HERC1: variants seen among roughly 807,000 people sequenced by gnomAD.
The protein encoded by HERC1 is HECT and RLD domain containing E3 ubiquitin protein ligase family member 1.
A neutral mutation model predicts 554.3 loss-of-function variants in HERC1; 160 were observed. The ratio of observed to expected loss-of-function variants is 0.29; its 90% CI spans 0.25 to 0.33. The LOEUF (loss-of-function observed/expected upper bound fraction) is 0.33. Among genes scored for constraint, HERC1 ranks in the 10% least tolerant of loss-of-function variants. HERC1 has a pLI of 1.00. For synonymous variants in HERC1, 2,175 were observed against 2,131.7 expected, an observed-to-expected ratio of 1.02 and a Z score of -0.56; for missense variants, 4,919 against 5,918.5, an observed-to-expected ratio of 0.83 and a Z score of 5.54.
chr15:63,672,821 T>C (rs2152972608), intron 38 of HERC1, 127 bp from the exon 39 acceptor site: 1 of 658,140 alleles, frequency 1.5e-6, no homozygotes, highest in Non-Finnish European at 2.6e-6. Context: ...CATCAATTTC[T>C]ATGAAAGATT....
At chr15:63,664,359 T>G in intron 43 of HERC1, 111 bp downstream of exon 43, 1 of 887,456 alleles carries the variant, frequency 1.1e-6, no homozygotes. Context: ...TCTGTTAATG[T>G]GGAGGGACTG....
chr15:63,707,928 C>CAAAAAAAAAAAAAAAAAAAAAAAAAAAAA, intron 24 of HERC1, among the ~76,000 whole-genome samples: 1 of 55,160 alleles, frequency 1.8e-5, no homozygotes, highest in Non-Finnish European at 3.4e-5. Flanking sequence ...GACTCCCTCT[C>CAAAAAAAAAAAAAAAAAAAAAAAAAAAAA]AAAAAAAAAA....
intron 64 of HERC1, among the ~76,000 whole-genome samples, chr15:63,636,461 G>C (rs1158356027): frequency 6.6e-6 from 1 of 151,886 alleles, no homozygotes; most frequent in Non-Finnish European, 1.5e-5. Context: ...AACAGAGACA[G>C]GGTTTTACCA....
At position 63,698,804 on chromosome 15, in the gene HERC1, T is replaced by G. The variant is rs1322304910; in HGVS notation, c.4829A>C (p.Lys1610Thr). 6.2e-7 allele frequency: 1 copy of G among 1,613,944 alleles called. No individual in the cohort carries two copies. Among genetic ancestry groups the G allele is most frequent in the African/African-American group, 1.3e-5 (1 of 75,020 alleles). Residue 1610 changes from lysine (K) to threonine (T), a missense_variant, in exon 26 of 78, where the codon AAA (lysine) becomes ACA (threonine). Physicochemically the swap from Lys to Thr is moderately conservative, Grantham distance 78. Around this residue, in one of 11 missense-constraint regions of HERC1, gnomAD observed 1,121 missense variants for 1,244.0 expected, o/e 0.90. Coordinates refer to ENST00000443617, the MANE Select transcript of HERC1 (RefSeq NM_003922.4). ...SGDVGNAPGFKEPEESMSTSP... is the reference protein window; with the variant it reads ...SGDVGNAPGFTEPEESMSTSP... Reference sequence around the variant, plus strand: ...TGTAGACATACTTTCCTCTGGCTCTTTAAAACCTGGGGCATTCCCCACATC... The same window carrying G: ...TGTAGACATACTTTCCTCTGGCTCTGTAAAACCTGGGGCATTCCCCACATC...
At chr15:63,623,687 G>A (rs192153020) in intron 73 of HERC1, 38 bp downstream of exon 73, 37 of 1,596,850 alleles carry the variant, frequency 2.3e-5, no homozygotes, top group African/African-American at 4.0e-5. Context: ...GCCACTAGCA[G>A]ACTAGATAAC....
At position 63,729,526 on chromosome 15, in the gene HERC1, C is replaced by T; in HGVS notation, c.2992G>A (p.Ala998Thr). 6.2e-7 allele frequency: 1 copy of T among 1,613,694 alleles called. No individual in the cohort carries two copies. Among genetic ancestry groups the T allele is most frequent in the Non-Finnish European group, 8.5e-7 (1 of 1,179,716 alleles). Residue 998 changes from alanine (A) to threonine (T), a missense_variant, in exon 15 of 78, where the codon GCA becomes ACA. By Grantham distance (58) the Ala-to-Thr change is moderately conservative. Transcript: ENST00000443617. ...LLCSLQKQLL[A>T]FCHINNISEN... ...CTAATGTTATTGATATGGCAAAATG[C>T]CAGCAGCTGTTTCTGTAGTGAACAT...
Position 63,749,697 on chromosome 15 carries a change from C to T in HERC1, c.1997G>A (p.Arg666Lys). 1 of 1,591,796 alleles carries T rather than the reference C, an allele frequency of 6.3e-7. No individual in the cohort carries two copies. The highest frequency in any genetic ancestry group is 8.6e-7 in the Non-Finnish European group (1 of 1,168,258). The change falls in exon 9 of 78, where the codon AGA becomes AAA. Residue 666 changes from arginine to lysine, a missense_variant. By Grantham distance (26) the Arg-to-Lys change is conservative. Coordinates refer to ENST00000443617, the MANE Select transcript of HERC1 (RefSeq NM_003922.4). This position sits in a 1 kb window ranked among gnomAD's most constrained non-coding sequence, Gnocchi z 4.1. The part of the protein sequence containing the change: ...PKLIEELAAT[R>K]IVDVSIGDSH... Reference sequence around the variant, plus strand: ...GTCTCCAATAGAAACATCAACTATTCTTGTGGCAGCCAGTTCTTCAATAAG... The same window carrying T: ...GTCTCCAATAGAAACATCAACTATTTTTGTGGCAGCCAGTTCTTCAATAAG...
At chr15:63,616,352 C>A in intron 75 of HERC1, 78 bp downstream of exon 75, 1 of 1,450,926 alleles carries the variant, frequency 6.9e-7, no homozygotes, top group South Asian at 1.3e-5. Flanking sequence ...GACTGTATCT[C>A]AATTTTACAC....
chr15:63,750,334 TTTGACTAA>T (rs1446766511), intron 8 of HERC1, among the ~76,000 whole-genome samples: 1 of 152,174 alleles, frequency 6.6e-6, no homozygotes, highest in Admixed American at 6.6e-5. Context: ...CATCTTCATT[TTTGACTAA>T]TGAATACCAA....
chr15:63,617,307 A>G (rs2067863962), intron 74 of HERC1, among the ~76,000 whole-genome samples: 1 of 152,204 alleles, frequency 6.6e-6, no homozygotes, highest in African/African-American at 2.4e-5. Context: ...GATGGTTTCC[A>G]GCTTCATTCA....
intron 3 of HERC1, among the ~76,000 whole-genome samples, chr15:63,760,210 CTTTTT>C (rs979452804): frequency 1.3e-5 from 2 of 151,534 alleles, no homozygotes; most frequent in Non-Finnish European, 2.9e-5. Context: ...TGGAAAACGA[CTTTTT>C]TTTAACATTA....
At chr15:63,791,628 T>G (rs1378578289) in intron 1 of HERC1, among the ~76,000 whole-genome samples, 2 of 152,158 alleles carry the variant, frequency 1.3e-5, no homozygotes, top group Admixed American at 6.5e-5. Context: ...TAAAAAACAA[T>G]TCTTCGAGGG....
At chr15:63,726,717 G>A (rs1018189129) in intron 17 of HERC1, among the ~76,000 whole-genome samples, 30 of 152,146 alleles carry the variant, frequency 2.0e-4, no homozygotes, top group African/African-American at 6.7e-4. Flanking sequence ...AAACACCAGG[G>A]CCAGATAGTT....
At chr15:63,752,237 A>G (rs1295101535) in intron 8 of HERC1, among the ~76,000 whole-genome samples, 2 of 152,184 alleles carry the variant, frequency 1.3e-5, no homozygotes, top group African/African-American at 2.4e-5. Flanking sequence ...TGCCTTGTCA[A>G]TTAGTCATAA....
At chr15:63,669,512 A>G in intron 40 of HERC1, 26 bp downstream of exon 40, 1 of 1,604,078 alleles carries the variant, frequency 6.2e-7, no homozygotes, top group South Asian at 1.1e-5. Context: ...AACTTTGGAT[A>G]TCATAGTGCA....
At chr15:63,731,263 C>T (rs540225578) in intron 14 of HERC1, among the ~76,000 whole-genome samples, 2 of 152,202 alleles carry the variant, frequency 1.3e-5, no homozygotes, top group South Asian at 4.1e-4. Flanking sequence ...GTACAATATA[C>T]AAGACAATAT....
intron 3 of HERC1, among the ~76,000 whole-genome samples, chr15:63,760,359 A>G (rs2075567401): frequency 6.7e-6 from 1 of 149,908 alleles, no homozygotes; most frequent in Non-Finnish European, 1.5e-5. Context: ...GTCAAATCCC[A>G]TATGAAGTTA....
intron 55 of HERC1, among the ~76,000 whole-genome samples, chr15:63,647,013 G>A (rs2069385599): frequency 6.6e-6 from 1 of 151,924 alleles, no homozygotes; most frequent in Non-Finnish European, 1.5e-5. Flanking sequence ...CCAGCACTTT[G>A]GGAGGCTGAG....
chr15:63,814,465 T>C (rs2077428327), intron 1 of HERC1, among the ~76,000 whole-genome samples: 1 of 151,580 alleles, frequency 6.6e-6, no homozygotes, highest in Admixed American at 6.6e-5. Context: ...GGGTTGGAGG[T>C]TTTTGTTTTT....
Sources: allele counts gnomAD v4.1 joint callset (sites outside exome capture counted in the v4.1 genomes callset), GRCh38; gene constraint gnomAD v4.1.1; regional missense constraint gnomAD v4.1.1; non-coding constraint Gnocchi (gnomAD v3.1); transcripts MANE v1.5; gene names NCBI Gene and HGNC (gene_info 2026-07-23, HGNC 2026-07-21).